CYP2U1: variants seen among roughly 807,000 people sequenced by gnomAD.
The protein encoded by CYP2U1 is cytochrome P450 2U1.
A neutral mutation model predicts 42.8 loss-of-function variants in CYP2U1; 28 were observed. The observed-to-expected ratio is 0.65, with a 90% confidence interval of 0.48 to 0.90. CYP2U1 has a LOEUF of 0.90. Ranked by LOEUF, CYP2U1 falls within the 40% of genes least tolerant of loss-of-function variation. The pLI, the probability that CYP2U1 is intolerant of heterozygous loss-of-function variation, is 0.00. For synonymous variants in CYP2U1, 296 were observed against 278.9 expected, an observed-to-expected ratio of 1.06 and a Z score of -0.61; for missense variants, 642 against 693.8, an observed-to-expected ratio of 0.93 and a Z score of 0.84.
At position 107,932,010 on chromosome 4, in the gene CYP2U1, G is replaced by C. The variant is rs1733008923; in HGVS notation, c.367G>C (p.Gly123Arg). 1 of 1,558,612 alleles carries C rather than the reference G, an allele frequency of 6.4e-7. No individual in the cohort carries two copies. The highest frequency in any genetic ancestry group is 8.7e-7 in the Non-Finnish European group (1 of 1,151,502). Reference sequence around the variant, plus strand: ...CGGCAGCATCTTCAGCTTCTTTATCGGCCACTACCTGGTGGTGGTCCTCAG... The same window carrying C: ...CGGCAGCATCTTCAGCTTCTTTATCCGCCACTACCTGGTGGTGGTCCTCAG... The part of the protein sequence containing the change: ...VYGSIFSFFI[G>R]HYLVVVLSDF... The change falls in exon 1 of 5, where the codon GGC (glycine) becomes CGC (arginine). Residue 123 changes from glycine to arginine, a missense_variant. Coordinates refer to ENST00000332884, the MANE Select transcript of CYP2U1 (RefSeq NM_183075.3).
intron 1 of CYP2U1, among the ~76,000 whole-genome samples, chr4:107,932,797 G>A (rs1246070278): frequency 1.3e-5 from 2 of 152,150 alleles, no homozygotes; most frequent in African/African-American, 2.4e-5. Context: ...TCACTCCTAC[G>A]CATCAGTCAG....
rs529806409 is a variant in CYP2U1 at position 107,950,433 on chromosome 4, C to A, written c.*10C>A. 47 of 1,595,734 alleles carry A rather than the reference C, an allele frequency of 2.9e-5. No individual in the cohort carries two copies. The highest frequency in any genetic ancestry group is 4.0e-5 in the Non-Finnish European group (47 of 1,174,790). ...TATTTCAAGGAGATGAAGAGCATCTCCAAGAAGAGATGGTAAAAAGATATA... is the reference window on the plus strand; with the variant it reads ...TATTTCAAGGAGATGAAGAGCATCTACAAGAAGAGATGGTAAAAAGATATA... On this transcript the variant is annotated 3_prime_UTR_variant, in exon 5 of 5. Coordinates refer to ENST00000332884, the MANE Select transcript of CYP2U1 (RefSeq NM_183075.3).
At chr4:107,950,137 T>A (rs113027728) in intron 4 of CYP2U1, 108 bp from the exon 5 acceptor site, 1 of 1,154,174 alleles carries the variant, frequency 8.7e-7, no homozygotes, top group Non-Finnish European at 1.2e-6. Context: ...AAAAACTCCA[T>A]CTGCATTTAG....
At chr4:107,932,377 C>T (rs1175777309) in intron 1 of CYP2U1, among the ~76,000 whole-genome samples, 2 of 152,158 alleles carry the variant, frequency 1.3e-5, no homozygotes, top group African/African-American at 4.8e-5. Context: ...GAAAAGTCAT[C>T]CGGAGATTGA....
chr4:107,948,085 T>C (rs987051723), intron 3 of CYP2U1, among the ~76,000 whole-genome samples: 1 of 151,996 alleles, frequency 6.6e-6, no homozygotes, highest in African/African-American at 2.4e-5. Flanking sequence ...CTGGACAAGA[T>C]GGTGAAACCC....
At chr4:107,932,719 A>G (rs552878623) in intron 1 of CYP2U1, among the ~76,000 whole-genome samples, 5 of 152,280 alleles carry the variant, frequency 3.3e-5, no homozygotes, top group African/African-American at 9.6e-5. Context: ...AAAATGTCCA[A>G]TCTAACCTGT....
intron 1 of CYP2U1, among the ~76,000 whole-genome samples, chr4:107,933,838 A>C (rs891580982): frequency 5.9e-5 from 9 of 152,176 alleles, no homozygotes; most frequent in Non-Finnish European, 1.3e-4. Flanking sequence ...ATGACAAGAA[A>C]AAAAGTCTAC....
chr4:107,944,013 C>T (rs1054603787), intron 1 of CYP2U1, among the ~76,000 whole-genome samples: 1 of 152,166 alleles, frequency 6.6e-6, no homozygotes, highest in Non-Finnish European at 1.5e-5. Flanking sequence ...GTTTTAAAAT[C>T]AGGGCTGCTG....
At position 107,951,115 on chromosome 4, in the gene CYP2U1, A is replaced by G. The variant is rs1733892471; in HGVS notation, c.*692A>G. 1.3e-5 allele frequency: 2 copies of G among 152,226 alleles called. No homozygotes were observed. The highest frequency in any genetic ancestry group is 4.1e-4 in the South Asian group (2 of 4,834). The allele number at this position is 152,226 out of a possible 1,614,324, so 9.4% of individuals were successfully genotyped here. ...GTCGTGTATATTGAGGAAAAAAGAAATTATAATTTTAAAAAATCCCTTGTA... is the reference window on the plus strand; with the variant it reads ...GTCGTGTATATTGAGGAAAAAAGAAGTTATAATTTTAAAAAATCCCTTGTA... On this transcript the variant is annotated 3_prime_UTR_variant, in exon 5 of 5. Transcript: ENST00000332884.
Position 107,950,470 on chromosome 4 carries a change from CCTT to C in CYP2U1, c.*50_*52del. On this transcript the variant is annotated 3_prime_UTR_variant, in exon 5 of 5. Coordinates refer to ENST00000332884, the MANE Select transcript of CYP2U1 (RefSeq NM_183075.3). ...GGTAAAAAGATATATAAATACATAT[CCTT>C]CTAAGCAGATTCTTCCTACTGCAAA... The C allele has an allele frequency of 6.5e-7, 1 of 1,527,738 alleles. No homozygotes were observed. Among genetic ancestry groups the C allele is most frequent in the Non-Finnish European group, 8.8e-7 (1 of 1,139,188 alleles). 94.6% of individuals were successfully genotyped at this position (1,527,738 alleles called of 1,614,324 possible).
At chr4:107,944,862 A>ATATATATATATAT (rs1161696711) in intron 1 of CYP2U1, 108 bp from the exon 2 acceptor site, 2 of 441,870 alleles carry the variant, frequency 4.5e-6, no homozygotes, top group Non-Finnish European at 7.1e-6. Context: ...TTATATGAGG[A>ATATATATATATAT]ATTTTCCATA....
intron 4 of CYP2U1, 121 bp from the exon 5 acceptor site, chr4:107,950,124 C>A: frequency 9.8e-7 from 1 of 1,024,292 alleles, no homozygotes; most frequent in Non-Finnish European, 1.4e-6. Flanking sequence ...GGCAATTTGA[C>A]TTAAAAACTC....
chr4:107,944,334 GC>G (rs1473472718), intron 1 of CYP2U1, among the ~76,000 whole-genome samples: 1 of 151,986 alleles, frequency 6.6e-6, no homozygotes, highest in Non-Finnish European at 1.5e-5. Context: ...GCAGGGTCTT[GC>G]TCTGTCACCC....
At position 107,953,221 on chromosome 4, in the gene CYP2U1, G is replaced by A. The variant is rs1733969078; in HGVS notation, c.*2798G>A. Reference sequence around the variant, plus strand: ...TCTTGGAGAGATGTTGAAATTAGATGTTTATTAAACTTTAAAATATAATGC... The same window carrying A: ...TCTTGGAGAGATGTTGAAATTAGATATTTATTAAACTTTAAAATATAATGC... On this transcript the variant is annotated 3_prime_UTR_variant, in exon 5 of 5. Coordinates refer to ENST00000332884, the MANE Select transcript of CYP2U1 (RefSeq NM_183075.3). The A allele has an allele frequency of 6.6e-6, 1 of 152,186 alleles. No individual in the cohort carries two copies. Among genetic ancestry groups the A allele is most frequent in the Non-Finnish European group, 1.5e-5 (1 of 68,028 alleles). 9.4% of individuals were successfully genotyped at this position (152,186 alleles called of 1,614,324 possible). A position where few individuals can be genotyped will look rare whatever the true frequency, so the allele number is the denominator to read the frequency against.
Position 107,932,118 on chromosome 4 carries a change from G to T in CYP2U1, c.475G>T (p.Val159Leu). The change falls in exon 1 of 5, where the codon GTG becomes TTG. Residue 159 changes from valine to leucine, a missense_variant. By Grantham distance (32) the Val-to-Leu change is conservative. Coordinates refer to ENST00000332884, the MANE Select transcript of CYP2U1 (RefSeq NM_183075.3). ...CCCGCGGGTGCCGCTCATCTCCATC[G>T]TGACCAAGGAGAAGGGTGAGCGGGA... ...DRPRVPLISI[V>L]TKEKGVVFAH... 1 of 1,604,030 alleles carries T rather than the reference G, an allele frequency of 6.2e-7. No individual in the cohort carries two copies. The highest frequency in any genetic ancestry group is 8.5e-7 in the Non-Finnish European group (1 of 1,176,218).
chr4:107,943,751 T>A (rs1023433504), intron 1 of CYP2U1, among the ~76,000 whole-genome samples: 4 of 152,208 alleles, frequency 2.6e-5, no homozygotes, highest in South Asian at 2.1e-4. Flanking sequence ...CTTTATTTCA[T>A]TTGCAGCTGT....
chr4:107,931,900 G>A lies in CYP2U1; in HGVS notation c.257G>A (p.Trp86Ter). Residue 86 changes from tryptophan (W) to a stop codon, truncating the protein, a stop_gained, in exon 1 of 5, where the codon TGG becomes TAG. Transcript: ENST00000332884. LOFTEE classifies it high-confidence loss of function. ...LLPPFLRRRSWLSSRTRAAGI... is the reference protein window; with the variant it reads ...LLPPFLRRRS ...CCTCCCTTCCTCCGGCGGCGGAGCT[G>A]GCTGAGCAGCAGGACCAGGGCCGCA... is the stretch of plus-strand genomic sequence containing the variant. 4 of 1,550,032 alleles carry A rather than the reference G, an allele frequency of 2.6e-6. No homozygotes were observed. Among genetic ancestry groups the A allele is most frequent in the Non-Finnish European group, 3.5e-6 (4 of 1,146,410 alleles).
In CYP2U1 at chr4:107,944,956, G is replaced by A. The variant is rs768231536; in HGVS notation, c.491-14G>A. ...TACTGTTTCTCATCTTCCTTTCTTG[G>A]TGTCCCTTTGCAGGGGTTGTGTTTG... On this transcript the variant is annotated splice_polypyrimidine_tract_variant and intron_variant, in intron 1 of 4. Transcript: ENST00000332884. 2 of 1,585,722 alleles carry A rather than the reference G, an allele frequency of 1.3e-6. No individual in the cohort carries two copies. The highest frequency in any genetic ancestry group is 1.2e-5 in the South Asian group (1 of 86,846).
intron 1 of CYP2U1, chr4:107,940,038 C>CT (rs1023751345): frequency 5.3e-5 from 8 of 151,896 alleles, no homozygotes; most frequent in African/African-American, 1.2e-4. Context: ...TACCCCTACT[C>CT]TAAGTGGCAA....
Sources: gnomAD v4.1 joint callset for allele counts (sites outside exome capture counted in the v4.1 genomes callset) on GRCh38, gnomAD v4.1.1 for gene constraint, MANE v1.5 for transcripts, NCBI Gene and HGNC (gene_info 2026-07-23, HGNC 2026-07-21) for gene names.